ATP8A2: variants seen among roughly 807,000 people sequenced by gnomAD.
ATP8A2 encodes the protein ATPase phospholipid transporting 8A2, also known as phospholipid-transporting ATPase IB.
Under a neutral mutation model 165.6 loss-of-function variants are expected in ATP8A2, and 100 were observed. The observed-to-expected ratio is 0.60, with a 90% CI of 0.51 to 0.71. The LOEUF is 0.71. ATP8A2 is among the 30% of genes least tolerant of loss of function. The pLI is 0.00. For synonymous variants in ATP8A2, 543 were observed against 548.8 expected, an observed-to-expected ratio of 0.99 and a Z score of 0.15; for missense variants, 1,227 against 1,479.5, an observed-to-expected ratio of 0.83 and a Z score of 2.80.
chr13:25,755,602 G>T (rs1407460632), intron 25 of ATP8A2, among the ~76,000 whole-genome samples: 2 of 152,090 alleles, frequency 1.3e-5, no homozygotes, highest in Non-Finnish European at 1.5e-5. Flanking sequence ...TAATATAATA[G>T]GTTGATATAT....
At chr13:25,797,345 G>A (rs535215384) in intron 27 of ATP8A2, among the ~76,000 whole-genome samples, 1 of 151,986 alleles carries the variant, frequency 6.6e-6, no homozygotes, top group African/African-American at 2.4e-5. Flanking sequence ...TTGAGGTGAT[G>A]GATACGCTAT....
At chr13:25,519,656 T>C (rs547228361) in intron 2 of ATP8A2, among the ~76,000 whole-genome samples, 1 of 152,304 alleles carries the variant, frequency 6.6e-6, no homozygotes, top group Admixed American at 6.5e-5. Flanking sequence ...GTCACTTATC[T>C]CCAGCCCCCA....
intron 1 of ATP8A2, among the ~76,000 whole-genome samples, chr13:25,446,058 G>T (rs1244207582): frequency 6.6e-6 from 1 of 152,170 alleles, no homozygotes. Context: ...GACAGAGAGA[G>T]ATATGGGATG....
chr13:25,918,134 G>C lies in ATP8A2; in HGVS notation c.3184-43441G>C, dbSNP rs117956625. On this transcript the variant is annotated intron_variant, in intron 33 of 36. Coordinates refer to ENST00000381655, the MANE Select transcript of ATP8A2 (RefSeq NM_016529.6). Reference sequence around the variant, plus strand: ...GGCCAAACCACATAAATGGATTTGAGCTGACTGCCAGATAAGGAGCATTTC... The same window carrying C: ...GGCCAAACCACATAAATGGATTTGACCTGACTGCCAGATAAGGAGCATTTC... Among the ~76,000 whole-genome samples the C allele has an allele frequency of 7.9e-4, 121 of 152,328 alleles. 1 individual carries two copies. The East Asian group carries it at 0.016, about 20-fold the overall frequency.
chr13:25,602,880 G>T (rs1312029432), intron 24 of ATP8A2, among the ~76,000 whole-genome samples: 2 of 152,004 alleles, frequency 1.3e-5, no homozygotes, highest in Non-Finnish European at 2.9e-5. Context: ...GACCAGCCTG[G>T]CCAATATGGT....
intron 24 of ATP8A2, among the ~76,000 whole-genome samples, chr13:25,591,049 C>G (rs939131329): frequency 6.6e-6 from 1 of 152,082 alleles, no homozygotes; most frequent in African/African-American, 2.4e-5. Flanking sequence ...CTGAGGAAAT[C>G]TCTCCTCTAC....
At chr13:25,813,980 C>T (rs146096228) in intron 27 of ATP8A2, among the ~76,000 whole-genome samples, 184 of 152,218 alleles carry the variant, frequency 1.2e-3, no homozygotes, top group Non-Finnish European at 2.2e-3. Flanking sequence ...ACTGAAACAT[C>T]AGCTTTTCCT....
At chr13:25,871,293 G>A (rs1168785061) in intron 33 of ATP8A2, 2 of 277,974 alleles carry the variant, frequency 7.2e-6, no homozygotes, top group East Asian at 2.4e-4. Context: ...TTCCTTTCTT[G>A]AAACATGTGG....
At chr13:25,737,936 G>A (rs2043814219) in intron 25 of ATP8A2, among the ~76,000 whole-genome samples, 2 of 152,060 alleles carry the variant, frequency 1.3e-5, no homozygotes, top group African/African-American at 2.4e-5. Context: ...CGCCCCTCTC[G>A]GCCTCCCAAA....
intron 10 of ATP8A2, among the ~76,000 whole-genome samples, chr13:25,545,278 T>C (rs1381533863): frequency 6.6e-6 from 1 of 152,108 alleles, no homozygotes; most frequent in Non-Finnish European, 1.5e-5. Context: ...GATTATTTAG[T>C]GTATCTGAAG....
chr13:25,920,393 C>A (rs1954413353), intron 33 of ATP8A2, among the ~76,000 whole-genome samples: 1 of 152,166 alleles, frequency 6.6e-6, no homozygotes, highest in South Asian at 2.1e-4. Flanking sequence ...TCAATCTACA[C>A]ACATTATTAA....
intron 7 of ATP8A2, among the ~76,000 whole-genome samples, chr13:25,539,060 AGTGTGTGTGT>A (rs57382485): frequency 2.3e-4 from 31 of 137,508 alleles, no homozygotes; most frequent in East Asian, 1.5e-3. Flanking sequence ...TAGAAAATTT[AGTGTGTGTGT>A]GTGTGTGTGT....
chr13:25,723,923 G>A (rs1305488481), intron 25 of ATP8A2, among the ~76,000 whole-genome samples: 1 of 152,204 alleles, frequency 6.6e-6, no homozygotes, highest in African/African-American at 2.4e-5. Context: ...TTTCAAATAG[G>A]AGTAGGATTT....
At chr13:25,537,328 C>T (rs948306747) in intron 6 of ATP8A2, among the ~76,000 whole-genome samples, 1 of 152,188 alleles carries the variant, frequency 6.6e-6, no homozygotes, top group Non-Finnish European at 1.5e-5. Flanking sequence ...CATTGGCCTT[C>T]CGTGCAGCTT....
At chr13:25,456,076 T>C (rs1000598800) in intron 1 of ATP8A2, among the ~76,000 whole-genome samples, 8 of 152,220 alleles carry the variant, frequency 5.3e-5, no homozygotes, top group African/African-American at 1.9e-4. Flanking sequence ...TTGTTCATGT[T>C]GCAGCATATG....
intron 25 of ATP8A2, among the ~76,000 whole-genome samples, chr13:25,715,213 C>T (rs2043231495): frequency 1.3e-5 from 2 of 152,072 alleles, no homozygotes; most frequent in African/African-American, 4.8e-5. Flanking sequence ...AAAACTGGGG[C>T]CGAATCACCC....
chr13:25,644,471 T>C (rs564529100), intron 24 of ATP8A2, among the ~76,000 whole-genome samples: 11 of 152,210 alleles, frequency 7.2e-5, no homozygotes, highest in Admixed American at 6.6e-4. Context: ...TGCTGTATTA[T>C]TGAGGATTTT....
chr13:25,957,500 C>T lies in ATP8A2; in HGVS notation c.3184-4075C>T, dbSNP rs148977462. On this transcript the variant is annotated intron_variant, in intron 33 of 36. Coordinates refer to ENST00000381655, the MANE Select transcript of ATP8A2 (RefSeq NM_016529.6). ...AGAAGACATTTATGCGGCCAACAAA[C>T]GTATGAAACAAAGTTTCTCATCATC... Among the ~76,000 whole-genome samples, 19 of 152,270 alleles carry T rather than the reference C, an allele frequency of 1.2e-4. No homozygotes were observed. The East Asian group carries it at 3.3e-3, about 26-fold the overall frequency.
intron 25 of ATP8A2, among the ~76,000 whole-genome samples, chr13:25,725,398 A>G (rs2043470974): frequency 6.6e-6 from 1 of 152,190 alleles, no homozygotes; most frequent in African/African-American, 2.4e-5. Flanking sequence ...AAGTGGACCA[A>G]AGTGGAATCT....
Sources: gnomAD v4.1 joint callset for allele counts (sites outside exome capture counted in the v4.1 genomes callset) on GRCh38, gnomAD v4.1.1 for gene constraint, MANE v1.5 for transcripts, NCBI Gene and HGNC (gene_info 2026-07-23, HGNC 2026-07-21) for gene names.